SCN10A: variants seen among roughly 807,000 people sequenced by gnomAD.
The protein encoded by SCN10A is sodium channel protein type 10 subunit alpha.
Under a neutral mutation model 170.7 loss-of-function variants are expected in SCN10A, and 162 were observed. That is an observed-to-expected ratio of 0.95 (90% CI 0.84 to 1.08). The LOEUF (loss-of-function observed/expected upper bound fraction) is 1.08. Among genes scored for constraint, SCN10A ranks in the 50% least tolerant of loss-of-function variants. SCN10A has a pLI of 0.00. For synonymous variants in SCN10A, 985 were observed against 904.6 expected, an observed-to-expected ratio of 1.09 and a Z score of -1.59; for missense variants, 2,527 against 2,436.9, an observed-to-expected ratio of 1.04 and a Z score of -0.78.
intron 20 of SCN10A, among the ~76,000 whole-genome samples, chr3:38,719,237 A>G (rs1261405601): frequency 6.6e-6 from 1 of 152,210 alleles, no homozygotes; most frequent in African/African-American, 2.4e-5. Context: ...CTGAAAAAGA[A>G]TGTTCTATCT....
chr3:38,738,263 T>A (rs1422752428), intron 15 of SCN10A, among the ~76,000 whole-genome samples: 1 of 152,074 alleles, frequency 6.6e-6, no homozygotes, highest in Non-Finnish European at 1.5e-5. Context: ...TATGTAAACA[T>A]CCCTCCCAGG....
At chr3:38,771,852 G>A (rs1559456522) in intron 4 of SCN10A, among the ~76,000 whole-genome samples, 1 of 152,182 alleles carries the variant, frequency 6.6e-6, no homozygotes, top group Non-Finnish European at 1.5e-5. Context: ...GCTGAAGCAG[G>A]GAATACCCAG....
chr3:38,752,590 C>A (rs867312516), intron 11 of SCN10A, 78 bp from the exon 12 acceptor site: 1 of 1,215,916 alleles, frequency 8.2e-7, no homozygotes, highest in Non-Finnish European at 1.1e-6. Flanking sequence ...TTCCCTCTAC[C>A]TACTCCCATT....
chr3:38,766,565 C>T (rs533788730), intron 5 of SCN10A, among the ~76,000 whole-genome samples: 1 of 152,086 alleles, frequency 6.6e-6, no homozygotes, highest in African/African-American at 2.4e-5. Context: ...TAAATCATCC[C>T]TACCTCCCTG....
intron 7 of SCN10A, 75 bp downstream of exon 7, chr3:38,761,117 C>T: frequency 3.4e-6 from 4 of 1,170,648 alleles, no homozygotes; most frequent in East Asian, 2.4e-5. Context: ...CACACAGGGG[C>T]TCCATATCCC....
At chr3:38,759,393 C>G (rs146775048) in intron 8 of SCN10A, among the ~76,000 whole-genome samples, 5 of 152,056 alleles carry the variant, frequency 3.3e-5, no homozygotes, top group Non-Finnish European at 7.4e-5. Context: ...CTGAAACTAT[C>G]TCGTATTCAC....
intron 26 of SCN10A, 59 bp downstream of exon 26, chr3:38,707,220 A>G: frequency 6.4e-7 from 1 of 1,572,216 alleles, no homozygotes; most frequent in African/African-American, 1.3e-5. Flanking sequence ...TGACACAGGC[A>G]TAGACTGTCA....
intron 13 of SCN10A, among the ~76,000 whole-genome samples, chr3:38,744,934 G>A (rs1337736592): frequency 6.6e-6 from 1 of 152,146 alleles, no homozygotes; most frequent in Non-Finnish European, 1.5e-5. Context: ...AACTACAGAT[G>A]TCCAAACTGG....
intron 20 of SCN10A, among the ~76,000 whole-genome samples, chr3:38,719,991 G>A (rs1009359401): frequency 2.6e-5 from 4 of 152,196 alleles, no homozygotes; most frequent in Non-Finnish European, 5.9e-5. Context: ...TCCCCGCTGG[G>A]GCAGCCCTCA....
chr3:38,737,917 TC>T (rs202176279), intron 15 of SCN10A, among the ~76,000 whole-genome samples: 2,093 of 151,178 alleles, frequency 0.014, 54 homozygotes, highest in Admixed American at 0.057. Context: ...TCTCGCTTTT[TC>T]TATCTTTATT....
At chr3:38,805,668 T>TTTGTG (rs2064400782) in intron 1 of SCN10A, among the ~76,000 whole-genome samples, 1 of 152,040 alleles carries the variant, frequency 6.6e-6, no homozygotes, top group Non-Finnish European at 1.5e-5. Flanking sequence ...ACTAAGAAAG[T>TTTGTG]GTGATAAGCT....
At chr3:38,738,648 G>A (rs2063596490) in intron 15 of SCN10A, among the ~76,000 whole-genome samples, 1 of 152,192 alleles carries the variant, frequency 6.6e-6, no homozygotes, top group Admixed American at 6.5e-5. Flanking sequence ...ATTCCTGAGA[G>A]CAGGCGGCCT....
intron 14 of SCN10A, 83 bp from the exon 15 acceptor site, chr3:38,739,771 A>C (rs1258271396): frequency 1.8e-6 from 2 of 1,118,978 alleles, no homozygotes; most frequent in Non-Finnish European, 2.6e-6. Flanking sequence ...AAAATGTCTT[A>C]TTTACAAAAT....
intron 4 of SCN10A, among the ~76,000 whole-genome samples, chr3:38,775,904 T>C (rs909851172): frequency 6.6e-6 from 1 of 152,124 alleles, no homozygotes; most frequent in Non-Finnish European, 1.5e-5. Flanking sequence ...ATTTTTGATA[T>C]GAGGATGAAT....
intron 21 of SCN10A, 91 bp downstream of exon 21, chr3:38,718,562 G>T: frequency 1.5e-6 from 2 of 1,366,408 alleles, no homozygotes; most frequent in Non-Finnish European, 2.0e-6. Context: ...AGCCCTTGAG[G>T]GCCAGGTCTC....
Position 38,757,105 on chromosome 3 carries a change from G to A in SCN10A, c.1005C>T (p.Asn335=). ...CLKTSDNPDF[N]YTSFDSFAWA... is the part of the protein sequence containing the mutation. Reference sequence around the variant, plus strand: ...AAGCAAAGGAATCAAAGCTGGTGTAGTTAAAATCCGGGTTGTCAGAAGTTT... The same window carrying A: ...AAGCAAAGGAATCAAAGCTGGTGTAATTAAAATCCGGGTTGTCAGAAGTTT... The change falls in exon 9 of 28, where the codon AAC becomes AAT. Residue 335 remains asparagine (N), a synonymous_variant. Coordinates refer to ENST00000449082, the MANE Select transcript of SCN10A (RefSeq NM_006514.4). 2.5e-6 allele frequency: 4 copies of A among 1,613,686 alleles called. No individual in the cohort carries two copies. Among genetic ancestry groups the A allele is most frequent in the Non-Finnish European group, 3.4e-6 (4 of 1,179,794 alleles).
rs762119038 is a variant in SCN10A at position 38,728,661 on chromosome 3, T to C, written c.2521A>G (p.Ile841Val). Residue 841 changes from isoleucine to valine, a missense_variant, in exon 16 of 28, where the codon ATT becomes GTT. Transcript: ENST00000449082. Reference protein sequence around the residue: ...HMHDFFHSFLIVFRILCGEWI... With the variant: ...HMHDFFHSFLVVFRILCGEWI... Reference sequence around the variant, plus strand: ...TCTCCACAGAGGATACGGAAGACAATGAGGAAAGAGTGGAAGAAGTCGTGC... The same window carrying C: ...TCTCCACAGAGGATACGGAAGACAACGAGGAAAGAGTGGAAGAAGTCGTGC... 3.7e-6 allele frequency: 6 copies of C among 1,614,066 alleles called. No individual in the cohort carries two copies. The highest frequency in any genetic ancestry group is 5.1e-6 in the Non-Finnish European group (6 of 1,180,006).
chr3:38,752,844 G>A (rs1214425234), intron 11 of SCN10A, among the ~76,000 whole-genome samples: 2 of 152,174 alleles, frequency 1.3e-5, no homozygotes, highest in Non-Finnish European at 2.9e-5. Flanking sequence ...TTGGCCACAG[G>A]GCTAGACAAA....
intron 25 of SCN10A, among the ~76,000 whole-genome samples, chr3:38,708,207 G>C (rs559340497): frequency 3.3e-5 from 5 of 152,234 alleles, no homozygotes; most frequent in Admixed American, 6.5e-5. Context: ...CATCTTTATG[G>C]GGGGAGAGAA....
Sources: allele counts gnomAD v4.1 joint callset (sites outside exome capture counted in the v4.1 genomes callset), GRCh38; gene constraint gnomAD v4.1.1; transcripts MANE v1.5; gene names NCBI Gene and HGNC (gene_info 2026-07-23, HGNC 2026-07-21).